The following ZNF385D variants were observed in gnomAD, a reference collection of about 807,000 sequenced individuals.
ZNF385D encodes zinc finger protein 385D.
Under a neutral mutation model 35.8 loss-of-function variants are expected in ZNF385D, and 15 were observed. The ratio of observed to expected loss-of-function variants is 0.42; its 90% confidence interval spans 0.28 to 0.64. The LOEUF (loss-of-function observed/expected upper bound fraction) is 0.64, where lower values mean the gene tolerates loss of function less well. ZNF385D is among the 30% of genes least tolerant of loss of function. The pLI is 0.23. For missense variants in ZNF385D, 474 were observed against 494.6 expected (o/e 0.96, Z 0.39); for synonymous variants, 212 against 186.8 (o/e 1.13, Z -1.10).
intron 3 of ZNF385D, among the ~76,000 whole-genome samples, chr3:21,829,168 A>G (rs1175061368): frequency 2.0e-5 from 3 of 152,218 alleles, no homozygotes; most frequent in Non-Finnish European, 4.4e-5. Context: ...AGGGATGACA[A>G]TGAATATGTA....
intron 2 of ZNF385D, among the ~76,000 whole-genome samples, chr3:22,209,539 C>T (rs1697379632): frequency 6.6e-6 from 1 of 151,894 alleles, no homozygotes; most frequent in African/African-American, 2.4e-5. Context: ...AAAATATAAA[C>T]ATGAACTATA....
At chr3:22,137,541 C>A (rs1352699362) in intron 3 of ZNF385D, among the ~76,000 whole-genome samples, 1 of 152,078 alleles carries the variant, frequency 6.6e-6, no homozygotes, top group Admixed American at 6.6e-5. Context: ...AAACGTAATC[C>A]AGCATATAAA....
intron 3 of ZNF385D, among the ~76,000 whole-genome samples, chr3:21,761,868 CCTTTTTTTTT>C (rs2070627522): frequency 9.7e-6 from 1 of 102,916 alleles, no homozygotes; most frequent in South Asian, 3.4e-4. Flanking sequence ...GCATTTTCTT[CCTTTTTTTTT>C]TTTTTTTTTT....
intron 2 of ZNF385D, among the ~76,000 whole-genome samples, chr3:21,585,091 G>GTGTT (rs2063773173): frequency 6.6e-6 from 1 of 152,126 alleles, no homozygotes; most frequent in Non-Finnish European, 1.5e-5. Context: ...ATTTCTAAAT[G>GTGTT]TGTTTTAAAT....
At chr3:22,037,939 C>T (rs1264176555) in intron 3 of ZNF385D, among the ~76,000 whole-genome samples, 1 of 152,162 alleles carries the variant, frequency 6.6e-6, no homozygotes, top group Admixed American at 6.6e-5. Flanking sequence ...CTACAACTAT[C>T]TGATCTTTGA....
chr3:21,949,546 C>CTTTTTTTTT (rs1553705221), intron 3 of ZNF385D, among the ~76,000 whole-genome samples: 11 of 31,140 alleles, frequency 3.5e-4, no homozygotes, highest in South Asian at 9.9e-4. Context: ...TCCTTCTTTT[C>CTTTTTTTTT]TTTCTTTCTT....
chr3:22,165,445 G>A (rs1403721702), intron 3 of ZNF385D, among the ~76,000 whole-genome samples: 1 of 152,164 alleles, frequency 6.6e-6, no homozygotes, highest in African/African-American at 2.4e-5. Context: ...AATAATGTGT[G>A]GCCTGGCAGG....
At chr3:22,243,998 T>G (rs1021779775) in intron 2 of ZNF385D, among the ~76,000 whole-genome samples, 1 of 150,936 alleles carries the variant, frequency 6.6e-6, no homozygotes, top group African/African-American at 2.5e-5. Flanking sequence ...ATGACAACAG[T>G]CAACCTTTCA....
chr3:22,228,067 C>CA (rs1386230750), intron 2 of ZNF385D, among the ~76,000 whole-genome samples: 9 of 152,130 alleles, frequency 5.9e-5, no homozygotes, highest in Non-Finnish European at 1.2e-4. Context: ...GGGATGAAGA[C>CA]AGCGGAGACG....
At chr3:22,152,425 T>C (rs570273353) in intron 3 of ZNF385D, among the ~76,000 whole-genome samples, 4 of 152,272 alleles carry the variant, frequency 2.6e-5, no homozygotes, top group Non-Finnish European at 4.4e-5. Context: ...AAATTTATCA[T>C]ACAGTTCTGA....
chr3:22,170,493 G>A (rs9862737), intron 2 of ZNF385D, among the ~76,000 whole-genome samples: 2 of 151,944 alleles, frequency 1.3e-5, no homozygotes, highest in African/African-American at 4.8e-5. Context: ...ATGAGTAAAA[G>A]GTTGGTCAGT....
intron 3 of ZNF385D, among the ~76,000 whole-genome samples, chr3:21,522,480 C>T (rs1707968613): frequency 6.6e-6 from 1 of 152,160 alleles, no homozygotes; most frequent in Non-Finnish European, 1.5e-5. Flanking sequence ...GCTGGGACTA[C>T]AGGCATCTGC....
At chr3:21,817,013 C>G (rs1272379777) in intron 3 of ZNF385D, among the ~76,000 whole-genome samples, 1 of 152,054 alleles carries the variant, frequency 6.6e-6, no homozygotes, top group African/African-American at 2.4e-5. Flanking sequence ...AGAACAGAGC[C>G]CTCAGAAATA....
At chr3:21,890,448 A>T (rs992778549) in intron 3 of ZNF385D, among the ~76,000 whole-genome samples, 1 of 151,936 alleles carries the variant, frequency 6.6e-6, no homozygotes, top group Non-Finnish European at 1.5e-5. Context: ...GTGAAACCCC[A>T]TCTCTACTAA....
At chr3:21,932,554 C>T (rs1701065410) in intron 3 of ZNF385D, among the ~76,000 whole-genome samples, 1 of 151,822 alleles carries the variant, frequency 6.6e-6, no homozygotes, top group African/African-American at 2.4e-5. Flanking sequence ...ATCTGTAATG[C>T]AGTTACTTTA....
At position 21,906,291 on chromosome 3, in the gene ZNF385D, T is replaced by A. The variant is rs78417373; in HGVS notation, c.326-241263A>T. ...GTGAGTTCCTTTATGAGTAGCCATG[T>A]CCAGCACTGATACAAGATGAACATA... On this transcript the variant is annotated intron_variant, in intron 3 of 5. Coordinates refer to the ZNF385D transcript ENST00000494108. Among the ~76,000 whole-genome samples the A allele has an allele frequency of 2.1e-3, 322 of 152,324 alleles. 1 individual carries two copies. Among genetic ancestry groups the A allele is most frequent in the African/African-American group, 7.4e-3 (307 of 41,576 alleles).
intron 3 of ZNF385D, among the ~76,000 whole-genome samples, chr3:21,838,834 G>T (rs558065520): frequency 1.3e-5 from 2 of 152,130 alleles, no homozygotes; most frequent in South Asian, 4.2e-4. Context: ...TGATTTCAGA[G>T]ATGTTAAAGT....
At chr3:21,435,352 G>C (rs1157024052) in intron 5 of ZNF385D, among the ~76,000 whole-genome samples, 1 of 146,154 alleles carries the variant, frequency 6.8e-6, no homozygotes, top group Non-Finnish European at 1.5e-5. Flanking sequence ...CAACCTCCTA[G>C]GTTCAAGAGA....
chr3:21,424,287 T>TTA lies in ZNF385D; in HGVS notation c.853-225_853-224dup, dbSNP rs1194110750. Among the ~76,000 whole-genome samples the TTA allele has an allele frequency of 2.4e-3, 256 of 106,856 alleles. 19 individuals are homozygous for TTA. The East Asian group carries it at 0.044, about 18-fold the overall frequency. The allele number at this position is 106,856 out of a possible 152,430, so 70.1% of individuals were successfully genotyped here. A position where few individuals can be genotyped will look rare whatever the true frequency, so the allele number is the denominator to read the frequency against. ...CATATATATACTATTATATATATAC[T>TTA]TATATATATATATTTATATATATAT... is the stretch of plus-strand genomic sequence containing the variant. On this transcript the variant is annotated intron_variant, in intron 6 of 7. Coordinates refer to ENST00000281523, the MANE Select transcript of ZNF385D (RefSeq NM_024697.3).
Sources: gnomAD v4.1 joint callset for allele counts (sites outside exome capture counted in the v4.1 genomes callset) on GRCh38, gnomAD v4.1.1 for gene constraint, MANE v1.5 for transcripts, NCBI Gene and HGNC (gene_info 2026-07-23, HGNC 2026-07-21) for gene names.